GPHN: variants seen among roughly 807,000 people sequenced by gnomAD.
The protein encoded by GPHN is gephyrin.
GPHN carries 17 observed loss-of-function variants against 95.5 expected under a neutral mutation model. The observed-to-expected ratio is 0.18, with a 90% CI of 0.12 to 0.27. The LOEUF is 0.27. Among genes scored for constraint, GPHN ranks in the 10% least tolerant of loss-of-function variants. The pLI, the probability that GPHN is intolerant of heterozygous loss-of-function variation, is 1.00. For synonymous variants in GPHN, 320 were observed against 322.5 expected (o/e 0.99, Z 0.08); for missense variants, 660 against 978.1 (o/e 0.67, Z 4.34).
chr14:66,919,823 T>C (rs996750104), intron 6 of GPHN, among the ~76,000 whole-genome samples: 11 of 152,008 alleles, frequency 7.2e-5, no homozygotes, highest in African/African-American at 2.7e-4. Flanking sequence ...TCCCAGCACT[T>C]TGGGAGGCCG....
At chr14:67,106,442 T>G (rs2078042910) in intron 13 of GPHN, among the ~76,000 whole-genome samples, 1 of 152,192 alleles carries the variant, frequency 6.6e-6, no homozygotes, top group Non-Finnish European at 1.5e-5. Context: ...TGAATATTTG[T>G]TCTTGTATGG....
the GPHN span, among the ~76,000 whole-genome samples, chr14:67,469,050 A>G: frequency 6.6e-6 from 1 of 152,122 alleles, no homozygotes; most frequent in East Asian, 1.9e-4. Flanking sequence ...TTGTTCTGAG[A>G]GAACTACCTT....
intron 4 of GPHN, among the ~76,000 whole-genome samples, chr14:66,849,894 A>G (rs2062505265): frequency 6.6e-6 from 1 of 152,092 alleles, no homozygotes; most frequent in South Asian, 2.1e-4. Context: ...AACTCCGTTA[A>G]CATACCAGTA....
chr14:66,943,262 A>G (rs1275597261), intron 8 of GPHN, among the ~76,000 whole-genome samples: 3 of 152,362 alleles, frequency 2.0e-5, no homozygotes, highest in African/African-American at 7.2e-5. Flanking sequence ...TATTAGTCTT[A>G]CATGCCTCAC....
intron 10 of GPHN, among the ~76,000 whole-genome samples, chr14:67,027,275 A>C (rs1300067563): frequency 6.6e-6 from 1 of 152,206 alleles, no homozygotes; most frequent in African/African-American, 2.4e-5. Flanking sequence ...TAAAATAAAA[A>C]AATTTTACAG....
At chr14:66,658,376 T>C (rs1388744203) in intron 1 of GPHN, among the ~76,000 whole-genome samples, 1 of 152,150 alleles carries the variant, frequency 6.6e-6, no homozygotes, top group Non-Finnish European at 1.5e-5. Flanking sequence ...ACTTACTTGA[T>C]AAAACAGTGG....
At chr14:66,585,057 A>G (rs1429867866) in intron 1 of GPHN, among the ~76,000 whole-genome samples, 2 of 152,158 alleles carry the variant, frequency 1.3e-5, no homozygotes, top group African/African-American at 4.8e-5. Context: ...TTATTGCCTC[A>G]GTTTCAGAGC....
chr14:66,749,060 C>A (rs895188115), intron 2 of GPHN, among the ~76,000 whole-genome samples: 1 of 151,864 alleles, frequency 6.6e-6, no homozygotes, highest in African/African-American at 2.4e-5. Context: ...TTTAATGTCT[C>A]TATAGTTTTG....
the GPHN span, chr14:67,269,927 A>T: frequency 1.3e-5 from 2 of 152,306 alleles, no homozygotes; most frequent in African/African-American, 4.8e-5. Context: ...GTCAAAGGGC[A>T]TTACTTGCTG....
chr14:67,382,876 A>G, the GPHN span, among the ~76,000 whole-genome samples: 1 of 151,694 alleles, frequency 6.6e-6, no homozygotes, highest in Non-Finnish European at 1.5e-5. Context: ...TCCTTGTCCA[A>G]CAAGAAAGAA....
At chr14:66,551,013 C>G (rs527616815) in intron 1 of GPHN, 1 of 153,786 alleles carries the variant, frequency 6.5e-6, no homozygotes, top group Non-Finnish European at 1.4e-5. Flanking sequence ...CCCGCCACCA[C>G]GCCTGGCTAA....
At chr14:67,608,124 G>C in the GPHN span, among the ~76,000 whole-genome samples, 1 of 151,840 alleles carries the variant, frequency 6.6e-6, no homozygotes, top group Non-Finnish European at 1.5e-5. Context: ...CGTGCCTACT[G>C]TCCCAGCTAC....
At chr14:67,675,018 C>G in the GPHN span, among the ~76,000 whole-genome samples, 3 of 152,296 alleles carry the variant, frequency 2.0e-5, no homozygotes, top group South Asian at 6.2e-4. Flanking sequence ...GGCTTCGGCC[C>G]GATTTGATGT....
At chr14:66,760,334 A>G (rs137924387) in intron 2 of GPHN, among the ~76,000 whole-genome samples, 56 of 152,294 alleles carry the variant, frequency 3.7e-4, no homozygotes, top group African/African-American at 1.2e-3. Flanking sequence ...AGAGAGCCAC[A>G]GTGTTTCTTG....
intron 8 of GPHN, among the ~76,000 whole-genome samples, chr14:66,964,346 A>G (rs1014971871): frequency 6.6e-6 from 1 of 152,138 alleles, no homozygotes; most frequent in African/African-American, 2.4e-5. Context: ...GTTGTCCTCA[A>G]TTTTCAGATA....
intron 1 of GPHN, among the ~76,000 whole-genome samples, chr14:66,591,208 G>T (rs2061629977): frequency 6.6e-6 from 1 of 152,116 alleles, no homozygotes; most frequent in Non-Finnish European, 1.5e-5. Flanking sequence ...AATACTGAAT[G>T]GGCAAAAGCT....
the GPHN span, among the ~76,000 whole-genome samples, chr14:67,325,870 G>T: frequency 1.3e-5 from 2 of 150,704 alleles, no homozygotes; most frequent in South Asian, 2.1e-4. Flanking sequence ...ATGCAGTGGC[G>T]TAATCTTGGC....
chr14:66,888,756 T>C (rs991169664), intron 5 of GPHN, among the ~76,000 whole-genome samples: 4 of 152,100 alleles, frequency 2.6e-5, no homozygotes, highest in African/African-American at 9.7e-5. Context: ...TAAGTGTAAA[T>C]GGATTAAACT....
intron 5 of GPHN, among the ~76,000 whole-genome samples, chr14:66,901,872 T>G (rs957707945): frequency 6.6e-6 from 1 of 152,056 alleles, no homozygotes; most frequent in Non-Finnish European, 1.5e-5. Context: ...TCTTTTGTGG[T>G]TCCATATGAA....
Sources: gnomAD v4.1 joint callset for allele counts (sites outside exome capture counted in the v4.1 genomes callset) on GRCh38, gnomAD v4.1.1 for gene constraint, MANE v1.5 for transcripts, NCBI Gene and HGNC (gene_info 2026-07-23, HGNC 2026-07-21) for gene names.